The following ASB4 variants were observed in gnomAD, a reference collection of about 807,000 sequenced individuals.
ASB4 encodes the protein ankyrin repeat and SOCS box containing 4.
ASB4 carries 35 observed loss-of-function variants against 38.6 expected under a neutral mutation model. The observed-to-expected ratio is 0.91, with a 90% CI of 0.69 to 1.20. ASB4 has a LOEUF of 1.20. Among genes scored for constraint, ASB4 ranks in the 50% most tolerant of loss-of-function variants. The pLI is 0.00. For missense variants in ASB4, 557 were observed against 527.2 expected (o/e 1.06, Z -0.55); for synonymous variants, 195 against 201.3 (o/e 0.97, Z 0.26).
the ASB4 span, among the ~76,000 whole-genome samples, chr7:95,547,129 T>C: frequency 2.0e-5 from 3 of 152,326 alleles, no homozygotes; most frequent in East Asian, 5.8e-4. Flanking sequence ...CTTCAGTTTT[T>C]TAAAAGATTA....
chr7:95,517,943 G>A (rs934171386), intron 2 of ASB4, among the ~76,000 whole-genome samples: 5 of 152,206 alleles, frequency 3.3e-5, no homozygotes, highest in Non-Finnish European at 7.3e-5. Flanking sequence ...GAATGGAGAT[G>A]TTGGGTAAAT....
At chr7:95,492,106 G>A (rs1405975494) in intron 1 of ASB4, among the ~76,000 whole-genome samples, 3 of 152,166 alleles carry the variant, frequency 2.0e-5, no homozygotes, top group African/African-American at 7.2e-5. Context: ...TATCTTAGGA[G>A]AGGTGAGTTG....
chr7:95,492,423 T>G (rs1226160492), intron 1 of ASB4, among the ~76,000 whole-genome samples: 1 of 152,202 alleles, frequency 6.6e-6, no homozygotes, highest in African/African-American at 2.4e-5. Flanking sequence ...AATTCTATTC[T>G]GCTTCCACAA....
rs1440298854 is a variant in ASB4 at position 95,528,085 on chromosome 7, T to C, written c.760T>C (p.Ser254Pro). Residue 254 changes from serine to proline, a missense_variant, in exon 3 of 5, where the codon TCT becomes CCT. Transcript: ENST00000325885. The stretch of plus-strand genomic sequence containing the variant: ...CAATGCCCGAGATGACGACTTTAAA[T>C]CTCCCCTCCACAAGGCAGCCTGGAA... The part of the protein sequence containing the change: ...EVNARDDDFK[S>P]PLHKAAWNCD... 1 of 1,614,040 alleles carries C rather than the reference T, an allele frequency of 6.2e-7. No homozygotes were observed. Among genetic ancestry groups the C allele is most frequent in the African/African-American group, 1.3e-5 (1 of 74,994 alleles).
At position 95,537,895 on chromosome 7, in the gene ASB4, T is replaced by A; in HGVS notation, c.*136T>A. ...TCAAAACACTTTACAAACACTGCCATTAATCCTAGAATATCATGGTATGGG... is the reference window on the plus strand; with the variant it reads ...TCAAAACACTTTACAAACACTGCCAATAATCCTAGAATATCATGGTATGGG... On this transcript the variant is annotated 3_prime_UTR_variant, in exon 5 of 5. Coordinates refer to ENST00000325885, the MANE Select transcript of ASB4 (RefSeq NM_016116.3). The A allele has an allele frequency of 1.5e-6, 1 of 656,210 alleles. No individual in the cohort carries two copies. Among genetic ancestry groups the A allele is most frequent in the Non-Finnish European group, 2.6e-6 (1 of 388,138 alleles). The allele number at this position is 656,210 out of a possible 1,614,324, so 40.6% of individuals were successfully genotyped here. A position where few individuals can be genotyped will look rare whatever the true frequency, so the allele number is the denominator to read the frequency against.
Position 95,528,000 on chromosome 7 carries a change from G to A in ASB4, c.675G>A (p.Gln225=). 1.2e-6 allele frequency: 2 copies of A among 1,614,104 alleles called. No individual in the cohort carries two copies. Among genetic ancestry groups the A allele is most frequent in the Non-Finnish European group, 1.7e-6 (2 of 1,180,038 alleles). The change falls in exon 3 of 5, where the codon CAG becomes CAA. Residue 225 remains glutamine, a synonymous_variant. Coordinates refer to ENST00000325885, the MANE Select transcript of ASB4 (RefSeq NM_016116.3). ...ACTGGGCCCTCCGCTTTAAGGAGCA[G>A]GAGTACAGCACGGAGCACCACCTGG... ...AAYWALRFKE[Q]EYSTEHHLVC...
chr7:95,474,399 A>G (rs549628472), upstream of ASB4, among the ~76,000 whole-genome samples: 1 of 152,208 alleles, frequency 6.6e-6, no homozygotes, highest in Non-Finnish European at 1.5e-5. Flanking sequence ...TTGCTCACTT[A>G]TCAATTTGTT....
chr7:95,515,695 G>A (rs1015893137), intron 2 of ASB4, among the ~76,000 whole-genome samples: 5 of 152,120 alleles, frequency 3.3e-5, no homozygotes, highest in Non-Finnish European at 7.4e-5. Flanking sequence ...GACTACAGGC[G>A]TGAGCCACTG....
chr7:95,513,803 A>C (rs1790518127), intron 2 of ASB4, among the ~76,000 whole-genome samples: 1 of 151,852 alleles, frequency 6.6e-6, no homozygotes, highest in Non-Finnish European at 1.5e-5. Flanking sequence ...AGAAGCTAGG[A>C]CTCTCACCTA....
At chr7:95,488,140 G>A (rs1317699394) in intron 1 of ASB4, among the ~76,000 whole-genome samples, 1 of 152,174 alleles carries the variant, frequency 6.6e-6, no homozygotes, top group Admixed American at 6.5e-5. Context: ...AGGAGATAGA[G>A]ACCATCCTGC....
Position 95,536,458 on chromosome 7 carries a change from T to A in ASB4, c.1000T>A (p.Cys334Ser). ...GCAGGTGATACAGGCCTGCCATTCT[T>A]GTCCTAAAGCAATTGAAGTTGTAGT... is the stretch of plus-strand genomic sequence containing the variant. ...FHKVIQACHS[C>S]PKAIEVVVNA... The change falls in exon 4 of 5, where the codon TGT (cysteine) becomes AGT (serine). Residue 334 changes from cysteine (C) to serine (S), a missense_variant. By Grantham distance (112) the Cys-to-Ser change is moderately radical. Transcript: ENST00000325885. 1 of 1,612,864 alleles carries A rather than the reference T, an allele frequency of 6.2e-7. No individual in the cohort carries two copies. The highest frequency in any genetic ancestry group is 8.5e-7 in the Non-Finnish European group (1 of 1,178,988).
intron 3 of ASB4, among the ~76,000 whole-genome samples, chr7:95,534,724 T>G (rs1790864931): frequency 6.6e-6 from 1 of 152,228 alleles, no homozygotes; most frequent in South Asian, 2.1e-4. Context: ...CTCTAACTCT[T>G]TGAAATTATT....
the ASB4 span, among the ~76,000 whole-genome samples, chr7:95,551,212 C>G: frequency 6.6e-6 from 1 of 152,180 alleles, no homozygotes; most frequent in Non-Finnish European, 1.5e-5. Flanking sequence ...AACTCCTCAC[C>G]TCGGGACATC....
At chr7:95,515,267 CTCTTTCTTTCTTTCTTT>C (rs1790556951) in intron 2 of ASB4, among the ~76,000 whole-genome samples, 1 of 72,546 alleles carries the variant, frequency 1.4e-5, no homozygotes, top group African/African-American at 4.8e-5. Context: ...TTCTTTCTTT[CTCTTTCTTTCTTTCTTT>C]CTTTCTTTCT....
the ASB4 span, among the ~76,000 whole-genome samples, chr7:95,549,927 G>A: frequency 6.6e-6 from 1 of 152,170 alleles, no homozygotes; most frequent in South Asian, 2.1e-4. Context: ...TGGCAGCAAG[G>A]AGCACTGGTG....
At chr7:95,503,587 C>A (rs995001666) in intron 2 of ASB4, among the ~76,000 whole-genome samples, 3 of 152,180 alleles carry the variant, frequency 2.0e-5, no homozygotes, top group African/African-American at 7.2e-5. Flanking sequence ...AGAGGTATAG[C>A]CAAAGGCTAA....
intron 2 of ASB4, among the ~76,000 whole-genome samples, chr7:95,502,391 C>CAG (rs1562813335): frequency 1.5e-5 from 1 of 66,634 alleles, no homozygotes; most frequent in African/African-American, 8.9e-5. Flanking sequence ...TACCAGCCTG[C>CAG]GGGGGGGGGG....
intron 2 of ASB4, among the ~76,000 whole-genome samples, chr7:95,517,242 C>T (rs1003309732): frequency 6.6e-6 from 1 of 152,112 alleles, no homozygotes; most frequent in African/African-American, 2.4e-5. Flanking sequence ...CATCATAGCT[C>T]ACTGTAACCT....
chr7:95,515,029 CTGTG>C, intron 2 of ASB4, among the ~76,000 whole-genome samples: 1 of 152,288 alleles, frequency 6.6e-6, no homozygotes, highest in South Asian at 2.1e-4. Context: ...CTAGGCATCC[CTGTG>C]TTTAACAACT....
Sources: allele counts gnomAD v4.1 joint callset (sites outside exome capture counted in the v4.1 genomes callset), GRCh38; gene constraint gnomAD v4.1.1; transcripts MANE v1.5; gene names NCBI Gene and HGNC (gene_info 2026-07-23, HGNC 2026-07-21).